Variants in HMGN5 observed in about 807,000 individuals in gnomAD.
HMGN5 encodes high mobility group nucleosome-binding domain-containing protein 5.
In HMGN5, 4 loss-of-function variants were observed where a neutral mutation model predicts 9.5. The ratio of observed to expected loss-of-function variants is 0.42; its 90% confidence interval spans 0.21 to 0.96. HMGN5 has a LOEUF of 0.96. HMGN5 is among the 40% of genes least tolerant of loss of function. The pLI, the probability that HMGN5 is intolerant of heterozygous loss-of-function variation, is 0.30. For missense variants in HMGN5, 192 were observed against 187.5 expected, an observed-to-expected ratio of 1.02 and a Z score of -0.14; for synonymous variants, 55 against 57.1, an observed-to-expected ratio of 0.96 and a Z score of 0.16.
At chrX:81,122,744 C>T (rs1241610268) in intron 1 of HMGN5, among the ~76,000 whole-genome samples, 3 of 111,554 alleles carry the variant, frequency 2.7e-5, no homozygotes, top group Non-Finnish European at 5.6e-5. Flanking sequence ...CACTCTAGTC[C>T]CAGCCATATT....
At chrX:81,146,198 A>G (rs2075343212) in intron 1 of HMGN5, among the ~76,000 whole-genome samples, 1 of 111,990 alleles carries the variant, frequency 8.9e-6, no homozygotes, top group Non-Finnish European at 1.9e-5. Context: ...CAGAATACAC[A>G]TTCTTCTCAG....
At chrX:81,168,004 G>T (rs902676893) in intron 1 of HMGN5, among the ~76,000 whole-genome samples, 1 of 112,060 alleles carries the variant, frequency 8.9e-6, no homozygotes, top group Non-Finnish European at 1.9e-5. Flanking sequence ...CAAGCTCATA[G>T]AGTTAATGAA....
intron 1 of HMGN5, among the ~76,000 whole-genome samples, chrX:81,133,512 G>A (rs1329810329): frequency 9.0e-6 from 1 of 111,663 alleles, no homozygotes; most frequent in Non-Finnish European, 1.9e-5. Flanking sequence ...ATACACCATG[G>A]ACTACTATGC....
intron 1 of HMGN5, among the ~76,000 whole-genome samples, chrX:81,195,891 A>G (rs1231600202): frequency 9.0e-6 from 1 of 111,645 alleles, no homozygotes; most frequent in Non-Finnish European, 1.9e-5. Flanking sequence ...GTTTTTCTAT[A>G]GCTGAGTGGC....
chrX:81,197,486 C>G (rs1471249108), intron 1 of HMGN5, among the ~76,000 whole-genome samples: 1 of 111,457 alleles, frequency 9.0e-6, no homozygotes, highest in East Asian at 2.8e-4. Context: ...TGATCTGGAA[C>G]TCTCTTGATA....
chrX:81,145,640 G>A, intron 1 of HMGN5, among the ~76,000 whole-genome samples: 1 of 111,487 alleles, frequency 9.0e-6, no homozygotes, highest in East Asian at 2.8e-4. Context: ...GGATCAAATT[G>A]ACACATAACA....
At chrX:81,192,819 C>T (rs751093912) in intron 1 of HMGN5, among the ~76,000 whole-genome samples, 3 of 111,286 alleles carry the variant, frequency 2.7e-5, no homozygotes, top group Non-Finnish European at 3.8e-5. Flanking sequence ...ACATTGAAGC[C>T]ATGTTTTCAT....
intron 1 of HMGN5, among the ~76,000 whole-genome samples, chrX:81,158,459 T>C (rs1295578662): frequency 1.8e-5 from 2 of 112,538 alleles, no homozygotes; most frequent in Non-Finnish European, 1.9e-5. Flanking sequence ...GTTGGCCACA[T>C]GAATGTCTTC....
intron 1 of HMGN5, among the ~76,000 whole-genome samples, chrX:81,140,559 C>CA (rs1227925535): frequency 0.016 from 523 of 33,507 alleles, 19 homozygotes; most frequent in African/African-American, 0.044. Flanking sequence ...GACTCTGTCT[C>CA]AAAAAAAAAA....
chrX:81,144,782 A>T (rs1383707740), intron 1 of HMGN5, among the ~76,000 whole-genome samples: 1 of 111,800 alleles, frequency 8.9e-6, no homozygotes, highest in African/African-American at 3.3e-5. Context: ...TAACTAGAAT[A>T]ACCAGTTTAG....
chrX:81,124,337 T>C (rs1259170572), intron 1 of HMGN5, among the ~76,000 whole-genome samples: 1 of 112,368 alleles, frequency 8.9e-6, no homozygotes, highest in Non-Finnish European at 1.9e-5. Context: ...GCAGTATTAT[T>C]ACCTCTGACT....
intron 1 of HMGN5, among the ~76,000 whole-genome samples, chrX:81,166,023 G>A (rs966256801): frequency 1.8e-5 from 2 of 110,598 alleles, no homozygotes; most frequent in African/African-American, 3.3e-5. Context: ...TCTGTGTGGG[G>A]GAGATGGGGA....
At chrX:81,182,622 A>G (rs2075466052) in intron 1 of HMGN5, among the ~76,000 whole-genome samples, 1 of 112,347 alleles carries the variant, frequency 8.9e-6, no homozygotes. Flanking sequence ...GCCTTCTGCC[A>G]TGAGTAAAAG....
chrX:81,117,405 C>T (rs2075256938), intron 5 of HMGN5, among the ~76,000 whole-genome samples: 1 of 107,764 alleles, frequency 9.3e-6, no homozygotes, highest in African/African-American at 3.4e-5. Context: ...CAGGCATGCC[C>T]GGCTAATTTT....
intron 1 of HMGN5, among the ~76,000 whole-genome samples, chrX:81,162,367 A>G (rs2075399676): frequency 9.1e-6 from 1 of 109,397 alleles, no homozygotes; most frequent in Admixed American, 9.9e-5. Context: ...AAACTGAAAA[A>G]AAAAAAAAAA....
At chrX:81,120,462 G>T (rs977614746) in intron 2 of HMGN5, among the ~76,000 whole-genome samples, 1 of 111,151 alleles carries the variant, frequency 9.0e-6, no homozygotes, top group Admixed American at 9.6e-5. Context: ...TCTCAGGAAG[G>T]GGGGATGGTG....
intron 1 of HMGN5, among the ~76,000 whole-genome samples, chrX:81,127,999 G>C (rs1254326941): frequency 9.0e-6 from 1 of 111,255 alleles, no homozygotes; most frequent in African/African-American, 3.3e-5. Flanking sequence ...AGGAGGAATC[G>C]TTAAAATTTA....
At chrX:81,147,976 T>A (rs1335633382) in intron 1 of HMGN5, among the ~76,000 whole-genome samples, 2 of 111,196 alleles carry the variant, frequency 1.8e-5, no homozygotes, top group Middle Eastern at 4.3e-3. Flanking sequence ...CTCAAGGAAA[T>A]AAGAGAGGAC....
At chrX:81,161,242 T>C (rs1024623210) in intron 1 of HMGN5, among the ~76,000 whole-genome samples, 2 of 111,052 alleles carry the variant, frequency 1.8e-5, no homozygotes, top group Non-Finnish European at 3.8e-5. Context: ...AAATTATTTC[T>C]ATAAATAAAG....
Sources: gnomAD v4.1 joint callset for allele counts (sites outside exome capture counted in the v4.1 genomes callset) on GRCh38, gnomAD v4.1.1 for gene constraint, MANE v1.5 for transcripts, NCBI Gene and HGNC (gene_info 2026-07-23, HGNC 2026-07-21) for gene names.